The following CADPS2 variants were observed in gnomAD, a reference collection of about 807,000 sequenced individuals.
CADPS2 encodes calcium-dependent secretion activator 2.
Under a neutral mutation model 172.5 loss-of-function variants are expected in CADPS2, and 93 were observed. That is an observed-to-expected ratio of 0.54 (90% CI 0.46 to 0.64). The LOEUF (loss-of-function observed/expected upper bound fraction) is 0.64. CADPS2 is among the 30% of genes least tolerant of loss of function. The probability of loss-of-function intolerance (pLI) is 0.00; values close to 1 mark genes in which losing one functional copy is unlikely to be tolerated. For missense variants in CADPS2, 1,420 were observed against 1,565.9 expected, an observed-to-expected ratio of 0.91 and a Z score of 1.57; for synonymous variants, 546 against 555.2, an observed-to-expected ratio of 0.98 and a Z score of 0.23.
chr7:122,733,229 A>G (rs1342171766), intron 2 of CADPS2, among the ~76,000 whole-genome samples: 1 of 151,958 alleles, frequency 6.6e-6, no homozygotes, highest in Non-Finnish European at 1.5e-5. Flanking sequence ...AAGAAATTTC[A>G]TTACAATACA....
intron 7 of CADPS2, among the ~76,000 whole-genome samples, chr7:122,576,936 T>A (rs1211694515): frequency 2.0e-5 from 3 of 152,092 alleles, no homozygotes; most frequent in African/African-American, 7.2e-5. Flanking sequence ...ATTTTTTGTA[T>A]TTTTAGTAGA....
chr7:122,490,423 A>T (rs1415566602), intron 10 of CADPS2, 142 bp from the exon 11 acceptor site: 1 of 648,478 alleles, frequency 1.5e-6, no homozygotes, highest in Non-Finnish European at 2.6e-6. Context: ...TAAAGGATCA[A>T]ATCCACAATC....
chr7:122,884,412 G>A (rs1317610039), intron 1 of CADPS2, among the ~76,000 whole-genome samples: 2 of 152,090 alleles, frequency 1.3e-5, no homozygotes, highest in African/African-American at 2.4e-5. Flanking sequence ...AAAACACCGC[G>A]GGGCATTCAA....
At chr7:122,858,456 T>G (rs1815959508) in intron 1 of CADPS2, among the ~76,000 whole-genome samples, 1 of 152,192 alleles carries the variant, frequency 6.6e-6, no homozygotes. Context: ...CACAAAAGCC[T>G]CAGTTCAAAC....
At chr7:122,398,314 T>C (rs1366747712) in intron 20 of CADPS2, among the ~76,000 whole-genome samples, 1 of 152,172 alleles carries the variant, frequency 6.6e-6, no homozygotes, top group Non-Finnish European at 1.5e-5. Flanking sequence ...TCATATATTG[T>C]TTTTAGGGTA....
chr7:122,628,947 TAA>T (rs1268557905), intron 4 of CADPS2, among the ~76,000 whole-genome samples: 1 of 151,666 alleles, frequency 6.6e-6, no homozygotes, highest in Non-Finnish European at 1.5e-5. Flanking sequence ...AGTAAAACAT[TAA>T]AACTCTTCTA....
At position 122,393,519 on chromosome 7, in the gene CADPS2, C is replaced by T. The variant is rs759733236; in HGVS notation, c.2810G>A (p.Arg937His). 32 of 1,613,720 alleles carry T rather than the reference C, an allele frequency of 2.0e-5. No homozygotes were observed. The highest frequency in any genetic ancestry group is 3.3e-5 in the Admixed American group (2 of 59,980). The change falls in exon 21 of 30, where the codon CGC becomes CAC. Residue 937 changes from arginine to histidine, a missense_variant. Coordinates refer to ENST00000449022, the MANE Select transcript of CADPS2 (RefSeq NM_017954.11). ...GGAAGACTCCATGAGATCCACATAG[C>T]GGACAACCAAGGGTACAAAGATTTC... Reference protein sequence around the residue: ...LQEIFVPLVVRYVDLMESSIA... With the variant: ...LQEIFVPLVVHYVDLMESSIA...
intron 9 of CADPS2, among the ~76,000 whole-genome samples, chr7:122,507,104 T>TA (rs962877540): frequency 2.6e-5 from 4 of 151,872 alleles, no homozygotes; most frequent in Non-Finnish European, 4.4e-5. Context: ...CATATAAATG[T>TA]AAAAAAAATT....
chr7:122,464,301 A>G (rs759266785), intron 14 of CADPS2, among the ~76,000 whole-genome samples: 1 of 152,204 alleles, frequency 6.6e-6, no homozygotes, highest in Non-Finnish European at 1.5e-5. Flanking sequence ...AGTAATTTAG[A>G]TATTATTAGA....
chr7:122,414,057 A>G lies in CADPS2; in HGVS notation c.2589+11T>C. On this transcript the variant is annotated intron_variant, in intron 19 of 29. Transcript: ENST00000449022. The stretch of plus-strand genomic sequence containing the variant: ...CTATGCTAATAAAATAGTGGAAATC[A>G]TTTTACTCACCTCTCTTCCCTGAGG... 2 of 1,555,764 alleles carry G rather than the reference A, an allele frequency of 1.3e-6. No homozygotes were observed. Among genetic ancestry groups the G allele is most frequent in the South Asian group, 2.4e-5 (2 of 84,388 alleles).
intron 2 of CADPS2, among the ~76,000 whole-genome samples, chr7:122,733,510 A>T (rs1056462089): frequency 7.8e-6 from 1 of 128,832 alleles, no homozygotes; most frequent in African/African-American, 2.7e-5. Flanking sequence ...GCTGTGAACA[A>T]ATGTGATCCC....
At chr7:122,762,057 C>T (rs536100896) in intron 1 of CADPS2, among the ~76,000 whole-genome samples, 35 of 114,742 alleles carry the variant, frequency 3.1e-4, no homozygotes, top group South Asian at 2.4e-3. Context: ...CACACACACA[C>T]GTATATTTAT....
At chr7:122,352,311 T>C (rs971521226) in intron 27 of CADPS2, among the ~76,000 whole-genome samples, 1 of 152,206 alleles carries the variant, frequency 6.6e-6, no homozygotes, top group Non-Finnish European at 1.5e-5. Context: ...AAATACTACA[T>C]GAGGACTTGA....
chr7:122,779,184 T>C (rs2093971147), intron 1 of CADPS2, among the ~76,000 whole-genome samples: 2 of 152,140 alleles, frequency 1.3e-5, no homozygotes, highest in South Asian at 4.1e-4. Flanking sequence ...TATCCAGTCT[T>C]GGGTATTTCC....
intron 2 of CADPS2, among the ~76,000 whole-genome samples, chr7:122,697,402 A>T (rs1361320483): frequency 6.6e-6 from 1 of 152,172 alleles, no homozygotes; most frequent in East Asian, 1.9e-4. Flanking sequence ...TTGTTTTCAA[A>T]CTTAATTGAT....
Position 122,457,924 on chromosome 7 carries a change from T to A in CADPS2, c.2187-6449A>T, listed in dbSNP as rs566950972. ...GTATAGTGAAGTGTGGTTAAATTAA[T>A]AAGACATTAAATTAAATTAAATGCT... On this transcript the variant is annotated intron_variant, in intron 14 of 29. Coordinates refer to ENST00000449022, the MANE Select transcript of CADPS2 (RefSeq NM_017954.11). Among the ~76,000 whole-genome samples, 286 of 152,314 alleles carry A rather than the reference T, an allele frequency of 1.9e-3. 1 individual carries two copies. Among genetic ancestry groups the A allele is most frequent in the African/African-American group, 6.5e-3 (269 of 41,582 alleles).
intron 3 of CADPS2, among the ~76,000 whole-genome samples, chr7:122,638,598 G>A (rs1225507578): frequency 2.6e-5 from 4 of 152,170 alleles, no homozygotes; most frequent in Admixed American, 6.5e-5. Flanking sequence ...GGGTCCCCAC[G>A]GACTTGAGTG....
chr7:122,589,439 G>A (rs1236854707), intron 6 of CADPS2, among the ~76,000 whole-genome samples: 3 of 151,830 alleles, frequency 2.0e-5, no homozygotes, highest in African/African-American at 7.2e-5. Context: ...AAGCAATTAA[G>A]GCAGTCTTGT....
At chr7:122,734,821 A>C (rs2092026639) in intron 2 of CADPS2, among the ~76,000 whole-genome samples, 1 of 152,132 alleles carries the variant, frequency 6.6e-6, no homozygotes, top group South Asian at 2.1e-4. Context: ...CTCCATAATG[A>C]GCATCACAAA....
Sources: allele counts gnomAD v4.1 joint callset (sites outside exome capture counted in the v4.1 genomes callset), GRCh38; gene constraint gnomAD v4.1.1; transcripts MANE v1.5; gene names NCBI Gene and HGNC (gene_info 2026-07-23, HGNC 2026-07-21).